Variants in CPPED1 observed in about 807,000 individuals in gnomAD.
CPPED1 encodes calcineurin like phosphoesterase domain containing 1.
A neutral mutation model predicts 28.0 loss-of-function variants in CPPED1; 28 were observed. The ratio of observed to expected loss-of-function variants is 1.00; its 90% confidence interval spans 0.74 to 1.37. The LOEUF is 1.37. Ranked by LOEUF, CPPED1 falls within the 40% of genes most tolerant of loss-of-function variation. CPPED1 has a pLI of 0.00. For missense variants in CPPED1, 504 were observed against 416.5 expected, an observed-to-expected ratio of 1.21 and a Z score of -1.83; for synonymous variants, 198 against 180.2, an observed-to-expected ratio of 1.10 and a Z score of -0.79.
At chr16:12,773,193 C>T (rs949077821) in intron 2 of CPPED1, among the ~76,000 whole-genome samples, 9 of 152,216 alleles carry the variant, frequency 5.9e-5, no homozygotes, top group African/African-American at 4.8e-5. Context: ...TATGTGTGGC[C>T]GTTTTCCTGA....
rs912456770 is a variant in CPPED1 at position 12,731,965 on chromosome 16, C to G, written c.290-26916G>C. Among the ~76,000 whole-genome samples, 14 of 151,742 alleles carry G rather than the reference C, an allele frequency of 9.2e-5. 1 individual carries two copies. The highest frequency in any genetic ancestry group is 5.2e-4 in the Admixed American group (8 of 15,240). Reference sequence around the variant, plus strand: ...ATCACCTGAGGTCAGGTGTTGGAGACCAGCCTGGCCAAAAGGGCAAAACCC... The same window carrying G: ...ATCACCTGAGGTCAGGTGTTGGAGAGCAGCCTGGCCAAAAGGGCAAAACCC... On this transcript the variant is annotated intron_variant, in intron 2 of 3. Coordinates refer to ENST00000381774, the MANE Select transcript of CPPED1 (RefSeq NM_018340.3).
intron 3 of CPPED1, among the ~76,000 whole-genome samples, chr16:12,695,285 G>C (rs2079984060): frequency 6.6e-6 from 1 of 151,968 alleles, no homozygotes; most frequent in Admixed American, 6.6e-5. Flanking sequence ...ATTTTTTTGA[G>C]ACAGGATCTT....
chr16:12,723,066 G>A (rs2080149983), intron 2 of CPPED1, among the ~76,000 whole-genome samples: 1 of 152,118 alleles, frequency 6.6e-6, no homozygotes, highest in Admixed American at 6.6e-5. Flanking sequence ...ATGAGAACAG[G>A]AGGGTCGGCA....
chr16:12,713,488 C>A (rs146232519), intron 2 of CPPED1, among the ~76,000 whole-genome samples: 5,160 of 152,252 alleles, frequency 0.034, 132 homozygotes, highest in East Asian at 0.1. Context: ...GCCTCAACCT[C>A]CTGAGTAGCT....
intron 1 of CPPED1, among the ~76,000 whole-genome samples, chr16:12,802,314 G>T (rs1298435519): frequency 6.6e-6 from 1 of 152,128 alleles, no homozygotes; most frequent in Non-Finnish European, 1.5e-5. Context: ...AAATACAGTC[G>T]TCCCAGGCCG....
At chr16:12,772,728 G>T (rs2080477050) in intron 2 of CPPED1, among the ~76,000 whole-genome samples, 2 of 152,178 alleles carry the variant, frequency 1.3e-5, no homozygotes, top group Non-Finnish European at 2.9e-5. Flanking sequence ...TCTGTTTTTA[G>T]TGATGAAAAG....
At chr16:12,706,556 GAA>G (rs56369967) in intron 2 of CPPED1, among the ~76,000 whole-genome samples, 18,925 of 104,924 alleles carry the variant, frequency 0.18, 1,515 homozygotes, top group Middle Eastern at 0.21. Context: ...AATTTTCACC[GAA>G]AAAAAAAAAA....
intron 1 of CPPED1, among the ~76,000 whole-genome samples, chr16:12,791,031 A>C (rs1312457337): frequency 1.3e-5 from 2 of 150,042 alleles, no homozygotes; most frequent in African/African-American, 2.5e-5. Context: ...ACACTTCCAC[A>C]GGCAAATCCA....
At chr16:12,793,296 G>A (rs1241699394) in intron 1 of CPPED1, among the ~76,000 whole-genome samples, 1 of 152,200 alleles carries the variant, frequency 6.6e-6, no homozygotes, top group African/African-American at 2.4e-5. Flanking sequence ...CAGTGGGTGG[G>A]GCTGTGGAGA....
At chr16:12,795,611 A>AGCCTCCCAAAGTGTTAG (rs1253869837) in intron 1 of CPPED1, among the ~76,000 whole-genome samples, 12 of 152,130 alleles carry the variant, frequency 7.9e-5, no homozygotes, top group Non-Finnish European at 1.8e-4. Context: ...AAGTGTTAGG[A>AGCCTCCCAAAGTGTTAG]TTACAGGCGT....
At chr16:12,766,499 C>T (rs998913397) in intron 2 of CPPED1, among the ~76,000 whole-genome samples, 2 of 151,912 alleles carry the variant, frequency 1.3e-5, no homozygotes, top group African/African-American at 4.8e-5. Context: ...CATCAGATCT[C>T]GTAGTATGGG....
intron 2 of CPPED1, among the ~76,000 whole-genome samples, chr16:12,776,191 G>A (rs1207754345): frequency 6.6e-6 from 1 of 152,166 alleles, no homozygotes; most frequent in Non-Finnish European, 1.5e-5. Context: ...GAGAAAAGGT[G>A]CAATGCTGCT....
At chr16:12,758,277 G>A (rs2080385062) in intron 2 of CPPED1, among the ~76,000 whole-genome samples, 2 of 152,146 alleles carry the variant, frequency 1.3e-5, no homozygotes, top group Admixed American at 6.5e-5. Context: ...CTGCTGTACA[G>A]ATAAGGAAGC....
chr16:12,759,756 C>T (rs1008393388), intron 2 of CPPED1, among the ~76,000 whole-genome samples: 1 of 152,212 alleles, frequency 6.6e-6, no homozygotes. Flanking sequence ...GCTCTCTCTC[C>T]TGACGCCTTG....
intron 1 of CPPED1, among the ~76,000 whole-genome samples, chr16:12,798,487 G>A (rs1220809796): frequency 1.3e-5 from 2 of 152,200 alleles, no homozygotes; most frequent in Non-Finnish European, 2.9e-5. Flanking sequence ...AGACCTGCAA[G>A]AGACAGAGTG....
chr16:12,693,654 A>T (rs1567277881), intron 3 of CPPED1, among the ~76,000 whole-genome samples: 2 of 152,250 alleles, frequency 1.3e-5, no homozygotes, highest in African/African-American at 4.8e-5. Context: ...AATGTCTTTT[A>T]AGTGAAGGCA....
At chr16:12,800,033 GC>G (rs2080649823) in intron 1 of CPPED1, among the ~76,000 whole-genome samples, 2 of 152,104 alleles carry the variant, frequency 1.3e-5, no homozygotes, top group Non-Finnish European at 2.9e-5. Context: ...CCCAGTGGTG[GC>G]CCCCTGGCAG....
chr16:12,726,256 G>A (rs1347651979), intron 2 of CPPED1, among the ~76,000 whole-genome samples: 1 of 151,058 alleles, frequency 6.6e-6, no homozygotes, highest in Non-Finnish European at 1.5e-5. Flanking sequence ...TGGCCAAGCT[G>A]GTCTTGAACT....
At chr16:12,668,417 A>AT (rs2079837033) in intron 3 of CPPED1, among the ~76,000 whole-genome samples, 1 of 152,202 alleles carries the variant, frequency 6.6e-6, no homozygotes, top group African/African-American at 2.4e-5. Context: ...AAAATACGGA[A>AT]TAACCTGATA....
Sources: allele counts gnomAD v4.1 joint callset (sites outside exome capture counted in the v4.1 genomes callset), GRCh38; gene constraint gnomAD v4.1.1; transcripts MANE v1.5; gene names NCBI Gene and HGNC (gene_info 2026-07-23, HGNC 2026-07-21).